The following NARS2 variants were observed in gnomAD, a reference collection of about 807,000 sequenced individuals.
NARS2 encodes the protein asparaginyl-tRNA synthetase 2, mitochondrial, also known as asparaginyl-tRNA synthetase.
NARS2 carries 60 observed loss-of-function variants against 62.9 expected under a neutral mutation model. That is an observed-to-expected ratio of 0.95 (90% CI 0.77 to 1.18). The LOEUF is 1.18. Ranked by LOEUF, NARS2 falls within the 50% of genes most tolerant of loss-of-function variation. NARS2 has a pLI of 0.00. For synonymous variants in NARS2, 196 were observed against 200.0 expected (o/e 0.98, Z 0.17); for missense variants, 619 against 576.4 (o/e 1.07, Z -0.76).
At chr11:78,473,588 T>C (rs935511179) in intron 9 of NARS2, among the ~76,000 whole-genome samples, 34 of 152,328 alleles carry the variant, frequency 2.2e-4, no homozygotes, top group African/African-American at 7.9e-4. Flanking sequence ...TTTAATGCCC[T>C]GGCATGAAGA....
intron 6 of NARS2, among the ~76,000 whole-genome samples, chr11:78,523,489 C>T (rs1861198903): frequency 1.3e-5 from 2 of 152,154 alleles, no homozygotes; most frequent in Admixed American, 6.5e-5. Context: ...GAAATGACAA[C>T]ATGTCCACAC....
At chr11:78,499,711 A>C (rs1293395888) in intron 6 of NARS2, among the ~76,000 whole-genome samples, 2 of 152,214 alleles carry the variant, frequency 1.3e-5, no homozygotes, top group Non-Finnish European at 2.9e-5. Flanking sequence ...ATCCTAGTCT[A>C]TTCTATGTAA....
intron 11 of NARS2, among the ~76,000 whole-genome samples, chr11:78,444,915 T>C (rs1565202708): frequency 2.0e-5 from 3 of 152,136 alleles, no homozygotes; most frequent in African/African-American, 7.2e-5. Context: ...AAATGCAATA[T>C]GTTTTGACTC....
chr11:78,451,957 T>G (rs1212989698), intron 11 of NARS2, among the ~76,000 whole-genome samples: 1 of 152,174 alleles, frequency 6.6e-6, no homozygotes, highest in Non-Finnish European at 1.5e-5. Flanking sequence ...GAGCACATCT[T>G]AAGCAAGCTG....
chr11:78,532,158 TAAAG>T (rs1861503630), intron 5 of NARS2, among the ~76,000 whole-genome samples: 1 of 152,180 alleles, frequency 6.6e-6, no homozygotes. Context: ...ATGGTAGTGA[TAAAG>T]AAACAATACA....
chr11:78,548,828 C>A (rs576927618), intron 5 of NARS2, among the ~76,000 whole-genome samples: 1 of 152,160 alleles, frequency 6.6e-6, no homozygotes, highest in East Asian at 1.9e-4. Flanking sequence ...CATTTAAAGT[C>A]TCTAGAAATC....
rs1280782380 is a variant in NARS2, at chr11:78,571,471, G to A, written c.142-27C>T. 3.3e-6 allele frequency: 5 copies of A among 1,524,574 alleles called. No homozygotes were observed. The African/African-American group carries it at 4.1e-5, about 13-fold the overall frequency. The allele number at this position is 1,524,574 out of a possible 1,614,324, so 94.4% of individuals were successfully genotyped here. A position where few individuals can be genotyped will look rare whatever the true frequency, so the allele number is the denominator to read the frequency against. Reference sequence around the variant, plus strand: ...TAAGGAAGAGAAATATTTCCAATGTGAGCGTAAAACATTTTACGTTTTCAT... The same window carrying A: ...TAAGGAAGAGAAATATTTCCAATGTAAGCGTAAAACATTTTACGTTTTCAT... On this transcript the variant is annotated intron_variant, in intron 1 of 13. Transcript: ENST00000281038.
At chr11:78,458,753 G>T (rs971771026) in intron 11 of NARS2, among the ~76,000 whole-genome samples, 1 of 152,186 alleles carries the variant, frequency 6.6e-6, no homozygotes, top group Admixed American at 6.5e-5. Context: ...GAATGAAAAA[G>T]AAGTTGATAT....
intron 8 of NARS2, 25 bp downstream of exon 8, chr11:78,478,560 G>T (rs745467086): frequency 1.4e-6 from 2 of 1,461,034 alleles, no homozygotes; most frequent in African/African-American, 2.8e-5. Context: ...TAGATGTATT[G>T]GGCTTTATCC....
intron 6 of NARS2, among the ~76,000 whole-genome samples, chr11:78,510,727 A>G (rs968451075): frequency 5.9e-5 from 9 of 152,218 alleles, no homozygotes; most frequent in Non-Finnish European, 1.3e-4. Flanking sequence ...AAAATTGTGA[A>G]TGTACTTAAT....
Position 78,438,717 on chromosome 11 carries a change from A to G in NARS2, c.1290-1903T>C, listed in dbSNP as rs1414862739. Among the ~76,000 whole-genome samples, 3 of 152,220 alleles carry G rather than the reference A, an allele frequency of 2.0e-5. No individual in the cohort carries two copies. In the East Asian group the frequency reaches 5.8e-4, roughly 29 times the overall value. ...GAGATTATGGAAGAGATGCTACGAA[A>G]TTTGTGGAACTAGTTACAGATTTAA... On this transcript the variant is annotated intron_variant, in intron 13 of 13. Transcript: ENST00000281038.
At chr11:78,502,991 CAAAAA>C (rs550751384) in intron 6 of NARS2, among the ~76,000 whole-genome samples, 1 of 82,954 alleles carries the variant, frequency 1.2e-5, no homozygotes, top group Non-Finnish European at 2.1e-5. Flanking sequence ...GAGACTGTCT[CAAAAA>C]AAAAAAAAAA....
intron 5 of NARS2, among the ~76,000 whole-genome samples, chr11:78,552,953 T>C (rs905447138): frequency 1.3e-5 from 2 of 152,206 alleles, no homozygotes; most frequent in African/African-American, 2.4e-5. Flanking sequence ...AAATGCTTTA[T>C]ATTCCTCCGG....
At chr11:78,477,763 C>T (rs1266400730) in intron 9 of NARS2, among the ~76,000 whole-genome samples, 3 of 152,178 alleles carry the variant, frequency 2.0e-5, no homozygotes, top group African/African-American at 7.2e-5. Context: ...CTAATCTCCT[C>T]CTGAGAAAGA....
chr11:78,499,214 C>T (rs1860191056), intron 6 of NARS2, among the ~76,000 whole-genome samples: 1 of 152,200 alleles, frequency 6.6e-6, no homozygotes, highest in Non-Finnish European at 1.5e-5. Context: ...CCGCGCCCGG[C>T]CCATCCTCAG....
intron 13 of NARS2, among the ~76,000 whole-genome samples, chr11:78,437,581 G>A (rs1487080714): frequency 6.6e-6 from 1 of 152,098 alleles, no homozygotes; most frequent in Non-Finnish European, 1.5e-5. Context: ...TAACACACCA[G>A]CACTGGAAAA....
chr11:78,483,367 T>C (rs192326600), intron 7 of NARS2, among the ~76,000 whole-genome samples: 13 of 152,236 alleles, frequency 8.5e-5, no homozygotes, highest in Non-Finnish European at 1.6e-4. Flanking sequence ...CTATTCAACA[T>C]AGTGTTGGAA....
At chr11:78,499,847 TTGAC>T (rs1196068225) in intron 6 of NARS2, among the ~76,000 whole-genome samples, 1 of 152,062 alleles carries the variant, frequency 6.6e-6, no homozygotes, top group African/African-American at 2.4e-5. Context: ...GGTCACAAAT[TTGAC>T]TGTTCTTTCT....
At chr11:78,492,781 T>C (rs1219399693) in intron 7 of NARS2, among the ~76,000 whole-genome samples, 3 of 152,120 alleles carry the variant, frequency 2.0e-5, no homozygotes, top group Admixed American at 6.6e-5. Context: ...ACCTTAGGAG[T>C]AAGCACAATT....
Sources: gnomAD v4.1 joint callset for allele counts (sites outside exome capture counted in the v4.1 genomes callset) on GRCh38, gnomAD v4.1.1 for gene constraint, MANE v1.5 for transcripts, NCBI Gene and HGNC (gene_info 2026-07-23, HGNC 2026-07-21) for gene names.